Variants in DIAPH1 observed in about 807,000 individuals in gnomAD.
DIAPH1 encodes diaphanous related formin 1, also known as protein diaphanous homolog 1.
In DIAPH1, 46 loss-of-function variants were observed where a neutral mutation model predicts 140.7. The ratio of observed to expected loss-of-function variants is 0.33; its 90% confidence interval spans 0.26 to 0.42. The LOEUF is 0.42. Among genes scored for constraint, DIAPH1 ranks in the 10% least tolerant of loss-of-function variants. The pLI is 1.00. For synonymous variants in DIAPH1, 565 were observed against 551.6 expected (o/e 1.02, Z -0.34); for missense variants, 1,310 against 1,558.7 (o/e 0.84, Z 2.69).
At chr5:141,542,933 A>G (rs757896475) in intron 18 of DIAPH1, among the ~76,000 whole-genome samples, 1 of 152,218 alleles carries the variant, frequency 6.6e-6, no homozygotes, top group African/African-American at 2.4e-5. Flanking sequence ...TGGATTGTAT[A>G]TTAGATAACA....
intron 19 of DIAPH1, among the ~76,000 whole-genome samples, chr5:141,530,252 C>G (rs1032007420): frequency 3.3e-5 from 5 of 152,152 alleles, no homozygotes; most frequent in Admixed American, 2.0e-4. Flanking sequence ...GACTCTTCAG[C>G]CTTATCAGGA....
chr5:141,574,508 G>T (rs1029762193), intron 15 of DIAPH1, among the ~76,000 whole-genome samples: 2 of 152,142 alleles, frequency 1.3e-5, no homozygotes, highest in African/African-American at 2.4e-5. Flanking sequence ...AAATGTTCTA[G>T]TTATATAACT....
intron 18 of DIAPH1, among the ~76,000 whole-genome samples, chr5:141,538,885 G>T (rs2099889507): frequency 6.6e-6 from 1 of 152,132 alleles, no homozygotes; most frequent in African/African-American, 2.4e-5. Context: ...TTTCATTAAA[G>T]ATTTTTGCTA....
At position 141,574,043 on chromosome 5, in the gene DIAPH1, C is replaced by G. The variant is rs1272063782; in HGVS notation, c.1807G>C (p.Gly603Arg). 6.3e-7 allele frequency: 1 copy of G among 1,588,298 alleles called. No individual in the cohort carries two copies. The highest frequency in any genetic ancestry group is 8.6e-7 in the Non-Finnish European group (1 of 1,166,874). The change falls in exon 16 of 28, where the codon GGG (glycine) becomes CGG (arginine). Residue 603 changes from glycine (G) to arginine (R), a missense_variant. Physicochemically the swap from Gly to Arg is moderately radical, Grantham distance 125 (BLOSUM62 -2). Around this residue, in one of 3 missense-constraint regions of DIAPH1, gnomAD observed 589 missense variants for 549.3 expected, o/e 1.07. Coordinates refer to ENST00000389054, the MANE Select transcript of DIAPH1 (RefSeq NM_005219.5). ...GGAGGAGGAGGAGTGGTACTATCCC[C>G]AGGAGCAGGTGGTGGTGGAATAATA... ...GTIIPPPPAPGDSTTPPPPPP... is the reference protein window; with the variant it reads ...GTIIPPPPAPRDSTTPPPPPP...
rs2154596691 is a variant in DIAPH1 at position 141,587,099 on chromosome 5, T to G, written c.243A>C (p.Ala81=). The G allele has an allele frequency of 1.9e-6, 3 of 1,614,156 alleles. No individual in the cohort carries two copies. The highest frequency in any genetic ancestry group is 2.5e-6 in the Non-Finnish European group (3 of 1,180,018). The part of the protein sequence containing the change: ...SSASYGDDPT[A]QSLQDVSDEQ... ...CATCTGAAACATCTTGCAATGACTGTGCTGTGGGATCATCCCCATATGATG... is the reference window on the plus strand; with the variant it reads ...CATCTGAAACATCTTGCAATGACTGGGCTGTGGGATCATCCCCATATGATG... The change falls in exon 3 of 28, where the codon GCA becomes GCC. Residue 81 remains alanine (A), a synonymous_variant. Coordinates refer to ENST00000389054, the MANE Select transcript of DIAPH1 (RefSeq NM_005219.5).
At chr5:141,534,496 A>AACT in intron 18 of DIAPH1, 63 bp from the exon 19 acceptor site, 2 of 1,327,144 alleles carry the variant, frequency 1.5e-6, no homozygotes, top group East Asian at 4.6e-5. Context: ...TTTACCAAGC[A>AACT]ACTACTGTCC....
At chr5:141,525,272 G>A (rs2099887149) in intron 26 of DIAPH1, among the ~76,000 whole-genome samples, 1 of 152,180 alleles carries the variant, frequency 6.6e-6, no homozygotes, top group African/African-American at 2.4e-5. Context: ...CAGCAGCTCT[G>A]TGAACACCTC....
intron 18 of DIAPH1, among the ~76,000 whole-genome samples, chr5:141,541,202 A>C (rs541809514): frequency 4.4e-4 from 67 of 152,332 alleles, no homozygotes; most frequent in African/African-American, 1.6e-3. Flanking sequence ...AAAATTTAAA[A>C]TCCTATTCAT....
intron 26 of DIAPH1, 136 bp downstream of exon 26, chr5:141,525,902 G>C (rs1242877992): frequency 1.4e-5 from 19 of 1,377,050 alleles, no homozygotes; most frequent in Non-Finnish European, 1.8e-5. Context: ...TCCGGCATCA[G>C]GATCTCGGAG....
chr5:141,574,282 A>C (rs2099895627), intron 15 of DIAPH1, 74 bp from the exon 16 acceptor site: 1 of 1,456,830 alleles, frequency 6.9e-7, no homozygotes, highest in African/African-American at 1.4e-5. Context: ...GAACCTAATA[A>C]ACTACTTAAT....
Position 141,521,439 on chromosome 5 carries a change from G to A in DIAPH1, c.3661+2704C>T, listed in dbSNP as rs150556569. On this transcript the variant is annotated intron_variant, in intron 27 of 27. Transcript: ENST00000389054. ...TCTTCCCCTTGACACTCCAACCATT[G>A]TTCTCCCACACCCTGCGGATCACAG... 2.0e-5 allele frequency among the ~76,000 whole-genome samples: 3 copies of A among 152,240 alleles called. No homozygotes were observed. In the South Asian group the frequency reaches 6.2e-4, roughly 32 times the overall value.
At chr5:141,589,781 A>G (rs1388476661) in intron 1 of DIAPH1, among the ~76,000 whole-genome samples, 1 of 152,070 alleles carries the variant, frequency 6.6e-6, no homozygotes, top group South Asian at 2.1e-4. Context: ...TTCTGTATAC[A>G]TGTTATACTT....
intron 18 of DIAPH1, among the ~76,000 whole-genome samples, chr5:141,541,460 G>A (rs890091519): frequency 3.9e-5 from 6 of 152,112 alleles, no homozygotes; most frequent in Non-Finnish European, 5.9e-5. Flanking sequence ...GGCCAAGGCA[G>A]GTTGATCACT....
intron 3 of DIAPH1, among the ~76,000 whole-genome samples, chr5:141,586,656 C>A (rs1444606222): frequency 6.6e-6 from 1 of 152,228 alleles, no homozygotes; most frequent in Non-Finnish European, 1.5e-5. Context: ...GATATTCCAT[C>A]CTCAGTTTCT....
At chr5:141,585,371 C>A (rs1464525564) in intron 3 of DIAPH1, among the ~76,000 whole-genome samples, 1 of 152,172 alleles carries the variant, frequency 6.6e-6, no homozygotes, top group Non-Finnish European at 1.5e-5. Context: ...CATTTTAAAT[C>A]TGGGGGACCT....
chr5:141,612,206 T>C (rs192716316), intron 1 of DIAPH1, among the ~76,000 whole-genome samples: 6 of 152,346 alleles, frequency 3.9e-5, no homozygotes, highest in Admixed American at 3.3e-4. Flanking sequence ...CTGGTAAGAA[T>C]GTAAAATGAA....
intron 1 of DIAPH1, among the ~76,000 whole-genome samples, chr5:141,591,727 TGA>T (rs2099898500): frequency 7.3e-6 from 1 of 137,058 alleles, no homozygotes; most frequent in Non-Finnish European, 1.6e-5. Context: ...TATATATATA[TGA>T]AGGAAGATGC....
intron 18 of DIAPH1, among the ~76,000 whole-genome samples, chr5:141,549,932 A>G (rs2099891430): frequency 6.6e-6 from 1 of 152,198 alleles, no homozygotes; most frequent in African/African-American, 2.4e-5. Flanking sequence ...GTTGAGACCA[A>G]TGGTGTCAAG....
chr5:141,609,884 T>G lies in DIAPH1; in HGVS notation c.117+8914A>C, dbSNP rs556114929. On this transcript the variant is annotated intron_variant, in intron 1 of 27. Coordinates refer to ENST00000389054, the MANE Select transcript of DIAPH1 (RefSeq NM_005219.5). ...TGAAAGTCCCGAAATCCTCAGAGTA[T>G]CAGAAATGTTCTCTGTTGACCACAG... Among the ~76,000 whole-genome samples the G allele has an allele frequency of 3.9e-5, 6 of 152,304 alleles. No individual in the cohort carries two copies. In the South Asian group the frequency reaches 1.2e-3, roughly 32 times the overall value.
Sources: gnomAD v4.1 joint callset for allele counts (sites outside exome capture counted in the v4.1 genomes callset) on GRCh38, gnomAD v4.1.1 for gene constraint, gnomAD v4.1.1 regional missense constraint, MANE v1.5 for transcripts, NCBI Gene and HGNC (gene_info 2026-07-23, HGNC 2026-07-21) for gene names.